PDE4D: variants seen among roughly 807,000 people sequenced by gnomAD.
PDE4D encodes the protein phosphodiesterase 4D, also known as 3',5'-cyclic-AMP phosphodiesterase 4D.
PDE4D carries 24 observed loss-of-function variants against 87.4 expected under a neutral mutation model. The observed-to-expected ratio is 0.27, with a 90% confidence interval of 0.20 to 0.39. PDE4D has a LOEUF of 0.39. Among genes scored for constraint, PDE4D ranks in the 10% least tolerant of loss-of-function variants. PDE4D has a pLI of 1.00. For synonymous variants in PDE4D, 384 were observed against 383.2 expected, an observed-to-expected ratio of 1.00 and a Z score of -0.02; for missense variants, 714 against 1,041.0, an observed-to-expected ratio of 0.69 and a Z score of 4.32.
At chr5:59,984,071 CACA>C (rs1346591747) in intron 3 of PDE4D, among the ~76,000 whole-genome samples, 46 of 152,096 alleles carry the variant, frequency 3.0e-4, no homozygotes, top group African/African-American at 8.9e-4. Flanking sequence ...AGAAGCCAGA[CACA>C]ACAAGTACAT....
chr5:59,557,050 A>G (rs73761538), intron 1 of PDE4D, among the ~76,000 whole-genome samples: 1,682 of 152,320 alleles, frequency 0.011, 30 homozygotes, highest in African/African-American at 0.037. Context: ...TTTTCAAATA[A>G]TAAAAGGAAT....
At chr5:60,164,379 A>G (rs1782712735) in intron 2 of PDE4D, among the ~76,000 whole-genome samples, 1 of 152,164 alleles carries the variant, frequency 6.6e-6, no homozygotes, top group African/African-American at 2.4e-5. Flanking sequence ...TCTAAGTGGA[A>G]TACTCCTTAT....
At chr5:59,106,674 C>T (rs753166856) in intron 5 of PDE4D, among the ~76,000 whole-genome samples, 2 of 152,184 alleles carry the variant, frequency 1.3e-5, no homozygotes, top group African/African-American at 2.4e-5. Context: ...GAAGGAGAAT[C>T]GCTTGAACCC....
At chr5:58,982,301 G>A (rs910018265) in intron 11 of PDE4D, among the ~76,000 whole-genome samples, 2 of 152,126 alleles carry the variant, frequency 1.3e-5, no homozygotes, top group African/African-American at 4.8e-5. Flanking sequence ...CCCCAGCCCT[G>A]CAAGGTCTTG....
chr5:60,120,463 TA>T (rs1778575504), intron 2 of PDE4D, among the ~76,000 whole-genome samples: 3 of 152,206 alleles, frequency 2.0e-5, no homozygotes, highest in Admixed American at 2.0e-4. Flanking sequence ...AAGAGCTGTG[TA>T]GACAGTGGGT....
At chr5:59,777,202 C>A (rs921299968) in intron 1 of PDE4D, among the ~76,000 whole-genome samples, 21 of 152,200 alleles carry the variant, frequency 1.4e-4, no homozygotes, top group African/African-American at 4.8e-4. Context: ...CGGGTACTGG[C>A]TGCCCTGGTA....
intron 2 of PDE4D, among the ~76,000 whole-genome samples, chr5:60,002,489 C>A (rs1277609925): frequency 6.6e-6 from 1 of 152,064 alleles, no homozygotes; most frequent in South Asian, 2.1e-4. Context: ...AGGGCAGTAT[C>A]CCTGGTGAAC....
chr5:59,627,627 G>C (rs1358051981), intron 1 of PDE4D, among the ~76,000 whole-genome samples: 1 of 152,168 alleles, frequency 6.6e-6, no homozygotes, highest in Non-Finnish European at 1.5e-5. Flanking sequence ...TGGAGTATGT[G>C]CTATACTTCA....
chr5:59,065,103 CACACACACACACACACACACAT>C (rs1763721949), intron 5 of PDE4D, among the ~76,000 whole-genome samples: 4 of 125,044 alleles, frequency 3.2e-5, no homozygotes, highest in African/African-American at 5.5e-5. Flanking sequence ...CACACACACA[CACACACACACACACACACACAT>C]ATACAATGAA....
chr5:58,979,127 A>T (rs780592476), intron 11 of PDE4D, among the ~76,000 whole-genome samples: 52 of 152,220 alleles, frequency 3.4e-4, no homozygotes, highest in Non-Finnish European at 6.0e-4. Flanking sequence ...CAAAAGAATA[A>T]GATGATGAGC....
At chr5:60,335,902 A>C (rs1346107670) in intron 1 of PDE4D, among the ~76,000 whole-genome samples, 1 of 152,178 alleles carries the variant, frequency 6.6e-6, no homozygotes, top group Non-Finnish European at 1.5e-5. Context: ...TAAGTCATTA[A>C]CTGATAGCAC....
chr5:59,547,622 C>T (rs1817491518), intron 1 of PDE4D, among the ~76,000 whole-genome samples: 1 of 152,122 alleles, frequency 6.6e-6, no homozygotes, highest in African/African-American at 2.4e-5. Flanking sequence ...ATGTGGTCAT[C>T]TGATATTATA....
At chr5:59,234,959 T>C (rs1029609734) in intron 1 of PDE4D, among the ~76,000 whole-genome samples, 3 of 152,326 alleles carry the variant, frequency 2.0e-5, no homozygotes, top group Middle Eastern at 3.4e-3. Context: ...TTTAAGACTT[T>C]TAAAAATCTT....
intron 1 of PDE4D, among the ~76,000 whole-genome samples, chr5:59,811,685 C>G (rs1365241592): frequency 2.0e-5 from 3 of 152,310 alleles, no homozygotes; most frequent in Middle Eastern, 3.4e-3. Flanking sequence ...AGCCTCAGAA[C>G]AGAGAAGAAA....
At chr5:59,132,021 T>C (rs1157907272) in intron 5 of PDE4D, among the ~76,000 whole-genome samples, 2 of 152,086 alleles carry the variant, frequency 1.3e-5, no homozygotes, top group Non-Finnish European at 2.9e-5. Flanking sequence ...TTCTGATAGT[T>C]CCCACAACTT....
intron 1 of PDE4D, among the ~76,000 whole-genome samples, chr5:59,764,351 A>C (rs1762519412): frequency 6.6e-6 from 1 of 152,236 alleles, no homozygotes; most frequent in Non-Finnish European, 1.5e-5. Context: ...GTACTTAATT[A>C]AACCACAACC....
intron 1 of PDE4D, among the ~76,000 whole-genome samples, chr5:59,839,074 C>T (rs1214695382): frequency 1.3e-5 from 2 of 151,908 alleles, no homozygotes; most frequent in African/African-American, 4.8e-5. Flanking sequence ...CTGCTGCCTG[C>T]ATGACTGAAC....
intron 1 of PDE4D, among the ~76,000 whole-genome samples, chr5:59,535,342 G>C (rs1469995445): frequency 6.6e-6 from 1 of 152,140 alleles, no homozygotes; most frequent in East Asian, 1.9e-4. Flanking sequence ...ATTTTTTAAA[G>C]TTCCCCAGGT....
intron 5 of PDE4D, among the ~76,000 whole-genome samples, chr5:59,131,768 T>C (rs1307719799): frequency 1.3e-5 from 2 of 152,122 alleles, no homozygotes; most frequent in Non-Finnish European, 2.9e-5. Context: ...GGTTCCAGTA[T>C]ATGTTAGTGT....
Sources: gnomAD v4.1 joint callset for allele counts (sites outside exome capture counted in the v4.1 genomes callset) on GRCh38, gnomAD v4.1.1 for gene constraint, MANE v1.5 for transcripts, NCBI Gene and HGNC (gene_info 2026-07-23, HGNC 2026-07-21) for gene names.